The following VTI1A variants were observed in gnomAD, a reference collection of about 807,000 sequenced individuals.
VTI1A encodes the protein vesicle transport through interaction with t-SNAREs homolog 1A.
Under a neutral mutation model 34.9 loss-of-function variants are expected in VTI1A, and 22 were observed. That is an observed-to-expected ratio of 0.63 (90% confidence interval 0.45 to 0.90). The LOEUF is 0.90. Ranked by LOEUF, VTI1A falls within the 40% of genes least tolerant of loss-of-function variation. The pLI is 0.00. For synonymous variants in VTI1A, 87 were observed against 97.3 expected (o/e 0.89, Z 0.62); for missense variants, 268 against 275.6 (o/e 0.97, Z 0.20).
chr10:112,743,013 CGTGTGTGT>C (rs10612255), intron 7 of VTI1A, among the ~76,000 whole-genome samples: 147 of 141,968 alleles, frequency 1.0e-3, no homozygotes, highest in East Asian at 3.2e-3. Context: ...GACCTATTCT[CGTGTGTGT>C]GTGTGTGTGT....
chr10:112,776,975 G>A (rs1275354509), intron 7 of VTI1A, among the ~76,000 whole-genome samples: 1 of 152,166 alleles, frequency 6.6e-6, no homozygotes, highest in African/African-American at 2.4e-5. Flanking sequence ...ACTGCACCCG[G>A]CTAGGCTGAC....
At chr10:112,545,466 T>TA (rs1378081557) in intron 5 of VTI1A, among the ~76,000 whole-genome samples, 2 of 152,260 alleles carry the variant, frequency 1.3e-5, no homozygotes, top group Non-Finnish European at 2.9e-5. Flanking sequence ...ATTTGTTAAT[T>TA]ATCTCACAAA....
chr10:112,798,375 G>A (rs1334928956), intron 7 of VTI1A, among the ~76,000 whole-genome samples: 1 of 152,080 alleles, frequency 6.6e-6, no homozygotes, highest in Non-Finnish European at 1.5e-5. Context: ...TGGTACTTAG[G>A]GGCCATCGTG....
intron 3 of VTI1A, among the ~76,000 whole-genome samples, chr10:112,497,234 C>T (rs1181877943): frequency 6.6e-6 from 1 of 151,978 alleles, no homozygotes; most frequent in Admixed American, 6.6e-5. Flanking sequence ...AGGCGAATCA[C>T]TTGAACCCAG....
chr10:112,449,338 C>G (rs1847139212), intron 1 of VTI1A: 1 of 152,146 alleles, frequency 6.6e-6, no homozygotes. Flanking sequence ...CAAAATCATC[C>G]TTGGATGCAA....
At chr10:112,835,251 C>T in the VTI1A span, among the ~76,000 whole-genome samples, 2 of 152,114 alleles carry the variant, frequency 1.3e-5, no homozygotes, top group East Asian at 1.9e-4. Flanking sequence ...TTCTCCTCCC[C>T]GGTGGCAGTC....
chr10:112,744,046 G>A lies in VTI1A; in HGVS notation c.561-71244G>A, dbSNP rs145399217. ...AGGAAGAATGGACTTTTTCTTTGTC[G>A]GTTTGTGTTTTTAATATTCCAGATA... On this transcript the variant is annotated intron_variant, in intron 7 of 7. Coordinates refer to ENST00000393077, the MANE Select transcript of VTI1A (RefSeq NM_145206.4). Among the ~76,000 whole-genome samples the A allele has an allele frequency of 7.8e-3, 1,180 of 152,168 alleles. 8 individuals carry two copies. The highest frequency in any genetic ancestry group is 0.017 in the African/African-American group (690 of 41,524).
chr10:112,546,075 T>C (rs1195923337), intron 5 of VTI1A, among the ~76,000 whole-genome samples: 1 of 150,068 alleles, frequency 6.7e-6, no homozygotes, highest in Non-Finnish European at 1.5e-5. Flanking sequence ...TGTGTGTATA[T>C]ACGTGTATAC....
intron 7 of VTI1A, among the ~76,000 whole-genome samples, chr10:112,761,969 C>T (rs2134009245): frequency 6.6e-6 from 1 of 152,194 alleles, no homozygotes; most frequent in South Asian, 2.1e-4. Flanking sequence ...TTACAGCAGT[C>T]CTGGACAGCA....
At chr10:112,452,740 T>G (rs972049121) in intron 1 of VTI1A, among the ~76,000 whole-genome samples, 3 of 146,700 alleles carry the variant, frequency 2.0e-5, no homozygotes, top group African/African-American at 7.4e-5. Context: ...TTGTTTTTGT[T>G]TTTTTTTTTT....
intron 7 of VTI1A, among the ~76,000 whole-genome samples, chr10:112,799,894 G>C (rs564646615): frequency 3.8e-4 from 58 of 152,226 alleles, no homozygotes; most frequent in African/African-American, 1.2e-3. Flanking sequence ...GGGCTGGGGG[G>C]ACTAGACAAG....
intron 5 of VTI1A, among the ~76,000 whole-genome samples, chr10:112,646,390 A>G (rs979640918): frequency 2.6e-5 from 4 of 152,186 alleles, no homozygotes; most frequent in African/African-American, 7.2e-5. Context: ...AGATTATTAT[A>G]TCCAAAGATA....
chr10:112,477,993 T>C (rs369159020), intron 3 of VTI1A, among the ~76,000 whole-genome samples: 15 of 152,184 alleles, frequency 9.9e-5, no homozygotes, highest in African/African-American at 2.9e-4. Context: ...CTTGCAGATT[T>C]ATATTCATTT....
At chr10:112,793,305 G>A (rs569215638) in intron 7 of VTI1A, among the ~76,000 whole-genome samples, 7 of 152,204 alleles carry the variant, frequency 4.6e-5, no homozygotes, top group East Asian at 1.9e-4. Flanking sequence ...GCAAAGTGTC[G>A]ATGTTATGGG....
rs1564889725 is a variant in VTI1A, at chr10:112,700,131, A to AAAAC, written c.560+31136_560+31137insCAAA. Among the ~76,000 whole-genome samples the AAAAC allele has an allele frequency of 4.3e-5, 6 of 140,034 alleles. 1 individual carries two copies. In the East Asian group the frequency reaches 1.2e-3, roughly 27 times the overall value. 91.9% of individuals were successfully genotyped at this position (140,034 alleles called of 152,430 possible). A position where few individuals can be genotyped will look rare whatever the true frequency, so the allele number is the denominator to read the frequency against. On this transcript the variant is annotated intron_variant, in intron 7 of 7. Coordinates refer to ENST00000393077, the MANE Select transcript of VTI1A (RefSeq NM_145206.4). ...AGACTCCATCTCAAAAAAAAAAAAA[A>AAAAC]AAAACAAAACAAAAAAAAAAAAACA... is the stretch of plus-strand genomic sequence containing the variant.
chr10:112,482,045 G>T (rs549196974), intron 3 of VTI1A, among the ~76,000 whole-genome samples: 4 of 152,266 alleles, frequency 2.6e-5, no homozygotes, highest in Admixed American at 6.5e-5. Flanking sequence ...TCAAGGGATA[G>T]AATTTTTAAT....
chr10:112,676,107 A>G (rs1321716339), intron 7 of VTI1A, among the ~76,000 whole-genome samples: 1 of 152,320 alleles, frequency 6.6e-6, no homozygotes, highest in Admixed American at 6.5e-5. Context: ...ATGTTAATTA[A>G]TAGTTCTTCT....
At chr10:112,674,943 A>G (rs186998655) in intron 7 of VTI1A, among the ~76,000 whole-genome samples, 1 of 152,200 alleles carries the variant, frequency 6.6e-6, no homozygotes, top group Non-Finnish European at 1.5e-5. Flanking sequence ...TTATTGTGAG[A>G]CACTATTATA....
chr10:112,778,111 G>C (rs1301731916), intron 7 of VTI1A, among the ~76,000 whole-genome samples: 1 of 148,558 alleles, frequency 6.7e-6, no homozygotes, highest in Admixed American at 6.7e-5. Flanking sequence ...TCAAAAAAAG[G>C]AAAAAAAAAA....
Sources: gnomAD v4.1 joint callset for allele counts (sites outside exome capture counted in the v4.1 genomes callset) on GRCh38, gnomAD v4.1.1 for gene constraint, MANE v1.5 for transcripts, NCBI Gene and HGNC (gene_info 2026-07-23, HGNC 2026-07-21) for gene names.